Variants in CACNA1A observed in about 807,000 individuals in gnomAD.
CACNA1A encodes calcium voltage-gated channel subunit alpha1 A.
CACNA1A carries 57 observed loss-of-function variants against 262.4 expected under a neutral mutation model. That is an observed-to-expected ratio of 0.22 (90% confidence interval 0.18 to 0.27). The LOEUF (loss-of-function observed/expected upper bound fraction) is 0.27, where lower values mean the gene tolerates loss of function less well. Among genes scored for constraint, CACNA1A ranks in the 10% least tolerant of loss-of-function variants. The pLI, the probability that CACNA1A is intolerant of heterozygous loss-of-function variation, is 1.00. For synonymous variants in CACNA1A, 1,431 were observed against 1,419.3 expected (o/e 1.01, Z -0.18); for missense variants, 2,526 against 3,562.8 (o/e 0.71, Z 7.41).
At chr19:13,426,685 A>G (rs1240170567) in intron 3 of CACNA1A, among the ~76,000 whole-genome samples, 1 of 152,210 alleles carries the variant, frequency 6.6e-6, no homozygotes, top group East Asian at 1.9e-4. Flanking sequence ...TAAAGAGGCA[A>G]CTGGTAAGCT....
intron 35 of CACNA1A, among the ~76,000 whole-genome samples, chr19:13,231,461 T>G (rs2055664232): frequency 6.6e-6 from 1 of 151,856 alleles, no homozygotes; most frequent in South Asian, 2.1e-4. Flanking sequence ...CAGCATCTGG[T>G]GGGGGGAGGA....
At chr19:13,273,600 G>T (rs553726981) in intron 24 of CACNA1A, 2 of 151,680 alleles carry the variant, frequency 1.3e-5, no homozygotes, top group East Asian at 3.9e-4. Context: ...ATTGTATTTT[G>T]TTTAATTAAT....
chr19:13,501,989 C>A (rs1432449930), intron 1 of CACNA1A, among the ~76,000 whole-genome samples: 2 of 152,148 alleles, frequency 1.3e-5, no homozygotes, highest in South Asian at 4.1e-4. Context: ...CTGGAAATAC[C>A]AGCCAAGCCG....
chr19:13,334,531 G>T, intron 7 of CACNA1A, 38 bp from the exon 8 acceptor site: 2 of 1,060,110 alleles, frequency 1.9e-6, no homozygotes, highest in Non-Finnish European at 1.5e-6. Context: ...TGGCTGTTTT[G>T]AAAATGTTAG....
chr19:13,436,455 C>T (rs986691716), intron 3 of CACNA1A, among the ~76,000 whole-genome samples: 1 of 152,190 alleles, frequency 6.6e-6, no homozygotes, highest in Non-Finnish European at 1.5e-5. Flanking sequence ...AATGTCTGGG[C>T]AAGCCTAACA....
At chr19:13,237,855 C>T (rs1346245194) in intron 31 of CACNA1A, among the ~76,000 whole-genome samples, 1 of 152,222 alleles carries the variant, frequency 6.6e-6, no homozygotes, top group African/African-American at 2.4e-5. Context: ...CGTTCAACCC[C>T]AGAGTACAAG....
At chr19:13,221,470 T>C (rs1000027455) in intron 38 of CACNA1A, among the ~76,000 whole-genome samples, 1 of 151,494 alleles carries the variant, frequency 6.6e-6, no homozygotes, top group Non-Finnish European at 1.5e-5. Flanking sequence ...TGGCCTCAAG[T>C]GATCCACCTT....
At chr19:13,216,723 C>CT (rs974555345) in intron 38 of CACNA1A, among the ~76,000 whole-genome samples, 3 of 151,344 alleles carry the variant, frequency 2.0e-5, no homozygotes, top group African/African-American at 4.9e-5. Context: ...TCGACAGGGA[C>CT]TTACTCTGTT....
At chr19:13,377,062 C>T (rs569256989) in intron 3 of CACNA1A, among the ~76,000 whole-genome samples, 122 of 151,926 alleles carry the variant, frequency 8.0e-4, no homozygotes, top group East Asian at 2.7e-3. Context: ...CAGGTTCAAG[C>T]GATTCTCCTG....
At chr19:13,358,723 G>C (rs1369377037) in intron 6 of CACNA1A, among the ~76,000 whole-genome samples, 1 of 152,080 alleles carries the variant, frequency 6.6e-6, no homozygotes, top group Non-Finnish European at 1.5e-5. Context: ...TAAGATCTAG[G>C]GCAAGAGTAC....
chr19:13,337,186 A>G (rs1033677476), intron 6 of CACNA1A, among the ~76,000 whole-genome samples: 6 of 152,180 alleles, frequency 3.9e-5, no homozygotes, highest in Non-Finnish European at 7.3e-5. Flanking sequence ...AAGGAACCAC[A>G]ACCTAGGTGG....
At chr19:13,319,828 T>C (rs2058210356) in intron 10 of CACNA1A, among the ~76,000 whole-genome samples, 1 of 152,128 alleles carries the variant, frequency 6.6e-6, no homozygotes, top group Non-Finnish European at 1.5e-5. Context: ...CCCTAGGAAG[T>C]AGGGACCAGC....
chr19:13,369,201 G>T (rs960994884), intron 4 of CACNA1A, among the ~76,000 whole-genome samples: 2 of 152,124 alleles, frequency 1.3e-5, no homozygotes, highest in Admixed American at 1.3e-4. Context: ...ATGCCTCCCA[G>T]CTGCCTCTCT....
At chr19:13,279,856 T>C (rs756526918) in intron 22 of CACNA1A, among the ~76,000 whole-genome samples, 2 of 152,122 alleles carry the variant, frequency 1.3e-5, no homozygotes, top group Non-Finnish European at 2.9e-5. Context: ...TCGCCAAGGC[T>C]AGAGTGCAGT....
Position 13,317,168 on chromosome 19 carries a change from G to A in CACNA1A, c.1499C>T (p.Thr500Met), listed in dbSNP as rs121908240. 5.6e-6 allele frequency: 9 copies of A among 1,613,326 alleles called. No individual in the cohort carries two copies. The highest frequency in any genetic ancestry group is 2.2e-5 in the East Asian group (1 of 44,890). ...WTVLSLVALN[T>M]LCVAIVHYNQ... Reference sequence around the variant, plus strand: ...GTAGTGAACAATAGCAACACACAGCGTGTTGAGAGCTACCAAACTGAGTAC... The same window carrying A: ...GTAGTGAACAATAGCAACACACAGCATGTTGAGAGCTACCAAACTGAGTAC... The change falls in exon 11 of 47, where the codon ACG (threonine) becomes ATG (methionine). Residue 500 changes from threonine to methionine, a missense_variant. Thr to Met is a moderately conservative substitution (Grantham distance 81). Coordinates refer to ENST00000360228, the MANE Select transcript of CACNA1A (RefSeq NM_001127222.2).
chr19:13,337,255 G>A (rs185339414), intron 6 of CACNA1A, among the ~76,000 whole-genome samples: 1 of 152,270 alleles, frequency 6.6e-6, no homozygotes, highest in East Asian at 1.9e-4. Context: ...CAAGCTCAAG[G>A]TGTCAGAAGG....
chr19:13,253,384 T>G (rs2056454165), intron 29 of CACNA1A, among the ~76,000 whole-genome samples: 1 of 148,360 alleles, frequency 6.7e-6, no homozygotes, highest in Admixed American at 6.7e-5. Context: ...CTCACAATCC[T>G]ACCTTAGCCT....
At position 13,303,530 on chromosome 19, in the gene CACNA1A, C is replaced by T. The variant is rs895983254; in HGVS notation, c.2172+16G>A. On this transcript the variant is annotated intron_variant, in intron 17 of 46. Transcript: ENST00000360228. ...GTGGTAACTTTGCCAGAGAAACATT[C>T]TCCCACCGCCTCCACCTTGGTGAGC... is the stretch of plus-strand genomic sequence containing the variant. 1.3e-6 allele frequency: 2 copies of T among 1,483,640 alleles called. No homozygotes were observed. Among genetic ancestry groups the T allele is most frequent in the Non-Finnish European group, 9.1e-7 (1 of 1,101,518 alleles). The allele number at this position is 1,483,640 out of a possible 1,614,324, so 91.9% of individuals were successfully genotyped here.
intron 15 of CACNA1A, 32 bp from the exon 16 acceptor site, chr19:13,303,916 C>A: frequency 4.7e-6 from 7 of 1,482,760 alleles, no homozygotes; most frequent in Non-Finnish European, 6.5e-6. Flanking sequence ...CACAGCCAAC[C>A]CCCCTCTCAG....
Sources: allele counts gnomAD v4.1 joint callset (sites outside exome capture counted in the v4.1 genomes callset), GRCh38; gene constraint gnomAD v4.1.1; transcripts MANE v1.5; gene names NCBI Gene and HGNC (gene_info 2026-07-23, HGNC 2026-07-21).